The following UBE2E2 variants were observed in gnomAD, a reference collection of about 807,000 sequenced individuals.
UBE2E2 encodes ubiquitin conjugating enzyme E2 E2.
UBE2E2 carries 6 observed loss-of-function variants against 24.7 expected under a neutral mutation model. The observed-to-expected ratio is 0.24, with a 90% CI of 0.13 to 0.48. The LOEUF (loss-of-function observed/expected upper bound fraction) is 0.48, where lower values mean the gene tolerates loss of function less well. UBE2E2 is among the 20% of genes least tolerant of loss of function. The pLI, the probability that UBE2E2 is intolerant of heterozygous loss-of-function variation, is 0.99. For synonymous variants in UBE2E2, 104 were observed against 83.6 expected, an observed-to-expected ratio of 1.24 and a Z score of -1.33; for missense variants, 169 against 245.0, an observed-to-expected ratio of 0.69 and a Z score of 2.07.
intron 3 of UBE2E2, among the ~76,000 whole-genome samples, chr3:23,368,105 G>T (rs1349596649): frequency 6.6e-6 from 1 of 151,968 alleles, no homozygotes; most frequent in African/African-American, 2.4e-5. Context: ...CCTATGTACT[G>T]TGTTTTTTTC....
intron 5 of UBE2E2, among the ~76,000 whole-genome samples, chr3:23,537,649 T>G (rs1340163296): frequency 6.6e-6 from 1 of 152,192 alleles, no homozygotes; most frequent in East Asian, 1.9e-4. Flanking sequence ...TTCTTCATTC[T>G]CCAACATCAC....
chr3:23,370,178 C>A (rs756819553), intron 3 of UBE2E2, among the ~76,000 whole-genome samples: 56 of 151,896 alleles, frequency 3.7e-4, no homozygotes, highest in Non-Finnish European at 7.2e-4. Flanking sequence ...AATTTTTTTT[C>A]TTTAATCCTG....
chr3:23,458,706 C>A (rs1171690974), intron 3 of UBE2E2, among the ~76,000 whole-genome samples: 1 of 152,018 alleles, frequency 6.6e-6, no homozygotes, highest in Non-Finnish European at 1.5e-5. Flanking sequence ...TGTGAGCCAC[C>A]GCGCCTGGCC....
intron 3 of UBE2E2, among the ~76,000 whole-genome samples, chr3:23,337,097 G>T (rs998771448): frequency 6.6e-6 from 1 of 150,560 alleles, no homozygotes; most frequent in Non-Finnish European, 1.5e-5. Context: ...CCGAGATCAT[G>T]CTACTGCACT....
intron 4 of UBE2E2, among the ~76,000 whole-genome samples, chr3:23,503,498 C>T (rs1215789865): frequency 3.3e-5 from 5 of 151,954 alleles, no homozygotes; most frequent in African/African-American, 4.8e-5. Flanking sequence ...CCAGAAGTTC[C>T]TTTACATTTT....
chr3:23,436,813 C>A (rs894896220), intron 3 of UBE2E2, among the ~76,000 whole-genome samples: 1 of 152,162 alleles, frequency 6.6e-6, no homozygotes, highest in African/African-American at 2.4e-5. Context: ...TTTGTATCTC[C>A]GACATTAGAC....
intron 3 of UBE2E2, among the ~76,000 whole-genome samples, chr3:23,311,925 G>A (rs1694411164): frequency 6.6e-6 from 1 of 152,106 alleles, no homozygotes; most frequent in Non-Finnish European, 1.5e-5. Flanking sequence ...CAAATCTCAT[G>A]TTGAATTGTA....
chr3:23,288,527 C>G (rs541852872), intron 3 of UBE2E2, among the ~76,000 whole-genome samples: 1 of 152,306 alleles, frequency 6.6e-6, no homozygotes, highest in South Asian at 2.1e-4. Flanking sequence ...AAGTCTCCAG[C>G]TATTATTGTA....
rs142668829 is a variant in UBE2E2, at chr3:23,558,386, A to G, written c.508+25685A>G. 1.8e-4 allele frequency among the ~76,000 whole-genome samples: 28 copies of G among 152,244 alleles called. 1 individual carries two copies. In the East Asian group the frequency reaches 5.4e-3, roughly 29 times the overall value. ...AGTTTATACACCTGGGCAAACATAG[A>G]TGTACAGACATATCTTTATGTAGTT... is the stretch of plus-strand genomic sequence containing the variant. On this transcript the variant is annotated intron_variant, in intron 5 of 5. Coordinates refer to ENST00000396703, the MANE Select transcript of UBE2E2 (RefSeq NM_152653.4).
At chr3:23,393,988 T>G (rs1697014187) in intron 3 of UBE2E2, among the ~76,000 whole-genome samples, 1 of 152,204 alleles carries the variant, frequency 6.6e-6, no homozygotes, top group African/African-American at 2.4e-5. Context: ...AGAAAAATAT[T>G]GCTAACACCT....
intron 3 of UBE2E2, among the ~76,000 whole-genome samples, chr3:23,331,973 G>C (rs1277805432): frequency 1.3e-5 from 2 of 152,062 alleles, no homozygotes; most frequent in Non-Finnish European, 2.9e-5. Context: ...AGTTGGACTG[G>C]ATAATTTTGC....
At chr3:23,560,636 C>A (rs1166652476) in intron 5 of UBE2E2, among the ~76,000 whole-genome samples, 3 of 152,116 alleles carry the variant, frequency 2.0e-5, no homozygotes, top group Non-Finnish European at 4.4e-5. Context: ...CTTGAGGAAT[C>A]GCCACACTGA....
chr3:23,480,820 T>C (rs145693078), intron 3 of UBE2E2, among the ~76,000 whole-genome samples: 1 of 152,176 alleles, frequency 6.6e-6, no homozygotes, highest in Non-Finnish European at 1.5e-5. Flanking sequence ...GCCTTATATG[T>C]AGCAAAATAA....
At position 23,591,174 on chromosome 3, in the gene UBE2E2, G is replaced by C. The variant is rs1026183161; in HGVS notation, c.*1343G>C. The C allele has an allele frequency of 2.6e-5, 4 of 152,192 alleles. No individual in the cohort carries two copies. Among genetic ancestry groups the C allele is most frequent in the African/African-American group, 9.7e-5 (4 of 41,438 alleles). The allele number at this position is 152,192 out of a possible 1,614,324, so 9.4% of individuals were successfully genotyped here. A position where few individuals can be genotyped will look rare whatever the true frequency, so the allele number is the denominator to read the frequency against. ...AGTTTCTAAAACACGCTGACTTGCT[G>C]ATTGATAATTCAGGGTTATTAGTGT... On this transcript the variant is annotated 3_prime_UTR_variant, in exon 6 of 6. Coordinates refer to ENST00000396703, the MANE Select transcript of UBE2E2 (RefSeq NM_152653.4).
chr3:23,404,247 G>C (rs1479344150), intron 3 of UBE2E2, among the ~76,000 whole-genome samples: 1 of 152,112 alleles, frequency 6.6e-6, no homozygotes, highest in Non-Finnish European at 1.5e-5. Context: ...AGCTATATTG[G>C]TATTTATTGA....
chr3:23,348,102 G>A (rs1194073714), intron 3 of UBE2E2, among the ~76,000 whole-genome samples: 17 of 152,076 alleles, frequency 1.1e-4, no homozygotes, highest in Non-Finnish European at 1.5e-5. Context: ...ATCGCAAGAC[G>A]ACAATGGTAT....
chr3:23,304,472 T>C (rs1039145388), intron 3 of UBE2E2, among the ~76,000 whole-genome samples: 2 of 152,204 alleles, frequency 1.3e-5, no homozygotes, highest in Admixed American at 6.5e-5. Flanking sequence ...AAATATATTA[T>C]GAAAAATATA....
intron 4 of UBE2E2, among the ~76,000 whole-genome samples, chr3:23,511,137 A>ATT (rs1376970064): frequency 6.6e-6 from 1 of 152,200 alleles, no homozygotes; most frequent in Non-Finnish European, 1.5e-5. Flanking sequence ...CCCAGCTGAC[A>ATT]TTTTGAGCAA....
intron 4 of UBE2E2, among the ~76,000 whole-genome samples, chr3:23,518,089 AC>A (rs1694783610): frequency 6.6e-6 from 1 of 152,136 alleles, no homozygotes; most frequent in East Asian, 1.9e-4. Context: ...AGGAAAATTA[AC>A]CCATTTTTTT....
Sources: gnomAD v4.1 joint callset for allele counts (sites outside exome capture counted in the v4.1 genomes callset) on GRCh38, gnomAD v4.1.1 for gene constraint, MANE v1.5 for transcripts, NCBI Gene and HGNC (gene_info 2026-07-23, HGNC 2026-07-21) for gene names.